Variants in GTF3C3 observed in about 807,000 individuals in gnomAD.
GTF3C3 encodes the protein general transcription factor 3C polypeptide 3.
In GTF3C3, 75 loss-of-function variants were observed where a neutral mutation model predicts 105.2. The observed-to-expected ratio is 0.71, with a 90% CI of 0.59 to 0.86. The LOEUF (loss-of-function observed/expected upper bound fraction) is 0.86. Ranked by LOEUF, GTF3C3 falls within the 40% of genes least tolerant of loss-of-function variation. GTF3C3 has a pLI of 0.00. For missense variants in GTF3C3, 856 were observed against 1,076.5 expected, an observed-to-expected ratio of 0.80 and a Z score of 2.87; for synonymous variants, 335 against 370.4, an observed-to-expected ratio of 0.90 and a Z score of 1.10.
intron 14 of GTF3C3, 23 bp downstream of exon 14, chr2:196,772,893 A>C: frequency 2.6e-6 from 3 of 1,171,976 alleles, no homozygotes; most frequent in Non-Finnish European, 2.4e-6. Flanking sequence ...GAATCTAATT[A>C]AAATAAATAA....
intron 17 of GTF3C3, among the ~76,000 whole-genome samples, chr2:196,765,806 C>G (rs112235546): frequency 1.3e-4 from 19 of 151,504 alleles, no homozygotes; most frequent in Non-Finnish European, 1.8e-4. Context: ...GTCAGGAGAT[C>G]GAGACCATCC....
chr2:196,778,944 C>CA lies in GTF3C3; in HGVS notation c.1341dup (p.Val448CysfsTer4). 6.2e-7 allele frequency: 1 copy of CA among 1,614,010 alleles called. No individual in the cohort carries two copies. On this transcript the variant is annotated frameshift_variant, in exon 10 of 18. Transcript: ENST00000263956. LOFTEE classifies it high-confidence loss of function. ...GCAAGGTTGTATCTTTCAGAGCAAA[C>CA]AAGAGCACTGAGGAGGGGAAGTGCA... is the stretch of plus-strand genomic sequence containing the variant.
chr2:196,781,354 AAAAATATATATATATAT>A lies in GTF3C3; in HGVS notation c.1115-709_1115-693del, dbSNP rs1234869032. On this transcript the variant is annotated intron_variant, in intron 8 of 17. Coordinates refer to ENST00000263956, the MANE Select transcript of GTF3C3 (RefSeq NM_012086.5). ...AAAATGTTAAGGGGAAAAAAAAAAA[AAAAATATATATATATAT>A]ATATATATATATATATAAAATTAAA... is the stretch of plus-strand genomic sequence containing the variant. Among the ~76,000 whole-genome samples the A allele has an allele frequency of 8.3e-5, 7 of 84,048 alleles. 1 individual carries two copies. The highest frequency in any genetic ancestry group is 1.5e-4 in the Non-Finnish European group (6 of 40,232). The allele number at this position is 84,048 out of a possible 152,430, so 55.1% of individuals were successfully genotyped here. A position where few individuals can be genotyped will look rare whatever the true frequency, so the allele number is the denominator to read the frequency against.
chr2:196,799,622 T>C lies in GTF3C3; in HGVS notation c.-11A>G. ...ACTGAACCCTGACATGTTTACAGGGTCTGTCTGTGCAACCCCAGGAACCGG... is the reference window on the plus strand; with the variant it reads ...ACTGAACCCTGACATGTTTACAGGGCCTGTCTGTGCAACCCCAGGAACCGG... On this transcript the variant is annotated 5_prime_UTR_variant, in exon 1 of 18. Coordinates refer to ENST00000263956, the MANE Select transcript of GTF3C3 (RefSeq NM_012086.5). The C allele has an allele frequency of 1.3e-6, 2 of 1,591,462 alleles. No homozygotes were observed. The highest frequency in any genetic ancestry group is 1.7e-6 in the Non-Finnish European group (2 of 1,159,484).
intron 17 of GTF3C3, among the ~76,000 whole-genome samples, chr2:196,765,773 G>T (rs1699052934): frequency 6.6e-6 from 1 of 151,880 alleles, no homozygotes; most frequent in African/African-American, 2.4e-5. Flanking sequence ...CACTTTGGGA[G>T]GCTGAGGCGG....
At chr2:196,781,294 G>C (rs1005333953) in intron 8 of GTF3C3, among the ~76,000 whole-genome samples, 1 of 131,450 alleles carries the variant, frequency 7.6e-6, no homozygotes, top group African/African-American at 2.8e-5. Context: ...ATACCTTCAG[G>C]TTCCACATAT....
intron 4 of GTF3C3, among the ~76,000 whole-genome samples, chr2:196,790,620 G>T (rs1699530123): frequency 6.6e-6 from 1 of 152,022 alleles, no homozygotes; most frequent in Admixed American, 6.6e-5. Flanking sequence ...TAAAATAAAG[G>T]AACAAATAAT....
chr2:196,776,080 A>C lies in GTF3C3; in HGVS notation c.1625T>G (p.Leu542Arg). Residue 542 changes from leucine (L) to arginine (R), a missense_variant, in exon 12 of 18, where the codon CTG (leucine) becomes CGG (arginine). This residue lies in a region of GTF3C3 where 605 missense variants were observed against 833.6 expected (regional missense o/e 0.73). Coordinates refer to ENST00000263956, the MANE Select transcript of GTF3C3 (RefSeq NM_012086.5). This position sits in a 1 kb window ranked among gnomAD's most constrained non-coding sequence, Gnocchi z 4.5. ...ELKLLLHRST[L>R]LFSQGKMYGY... Reference sequence around the variant, plus strand: ...ATACATTTTGCCTTGTGAAAACAACAGAGTAGAACGATGAAGCAATAACTT... The same window carrying C: ...ATACATTTTGCCTTGTGAAAACAACCGAGTAGAACGATGAAGCAATAACTT... 2.5e-6 allele frequency: 4 copies of C among 1,593,704 alleles called. No individual in the cohort carries two copies. Among genetic ancestry groups the C allele is most frequent in the Non-Finnish European group, 3.4e-6 (4 of 1,167,310 alleles).
Position 196,764,174 on chromosome 2 carries a change from C to T in GTF3C3, c.*389G>A, listed in dbSNP as rs1402282719. 6.5e-6 allele frequency: 1 copy of T among 153,532 alleles called. No individual in the cohort carries two copies. The highest frequency in any genetic ancestry group is 1.4e-5 in the Non-Finnish European group (1 of 68,996). The allele number at this position is 153,532 out of a possible 1,614,324, so 9.5% of individuals were successfully genotyped here. A position where few individuals can be genotyped will look rare whatever the true frequency, so the allele number is the denominator to read the frequency against. On this transcript the variant is annotated 3_prime_UTR_variant, in exon 18 of 18. Transcript: ENST00000263956. ...ACTTTGTCTTTCCTTTAATAATAAG[C>T]AACCTCTGTTTATACGTATTTGAAA...
At chr2:196,773,526 G>A in intron 13 of GTF3C3, 2 of 305,264 alleles carry the variant, frequency 6.6e-6, no homozygotes, top group Middle Eastern at 1.2e-3. Context: ...TGGCACCAAG[G>A]ACCAGTTTCA....
At chr2:196,793,384 G>T (rs1185014124) in intron 2 of GTF3C3, among the ~76,000 whole-genome samples, 1 of 152,028 alleles carries the variant, frequency 6.6e-6, no homozygotes, top group Admixed American at 6.6e-5. Flanking sequence ...AGATTTACAG[G>T]CAAAATTAAC....
In GTF3C3 at chr2:196,799,598, C is replaced by T; in HGVS notation, c.14G>A (p.Ser5Asn). The T allele has an allele frequency of 6.2e-7, 1 of 1,613,218 alleles. No homozygotes were observed. Among genetic ancestry groups the T allele is most frequent in the Non-Finnish European group, 8.5e-7 (1 of 1,179,138 alleles). The change falls in exon 1 of 18, where the codon AGT becomes AAT. Residue 5 changes from serine (S) to asparagine (N), a missense_variant. Physicochemically the swap from Ser to Asn is conservative, Grantham distance 46. Coordinates refer to ENST00000263956, the MANE Select transcript of GTF3C3 (RefSeq NM_012086.5). The part of the protein sequence containing the change: MSGF[S>N]PELIDYLEGK... ...TTCCAAGTAGTCGATGAGTTCCGGA[C>T]TGAACCCTGACATGTTTACAGGGTC...
intron 13 of GTF3C3, 93 bp from the exon 14 acceptor site, chr2:196,773,246 T>A: frequency 1.3e-6 from 1 of 760,684 alleles, no homozygotes; most frequent in Non-Finnish European, 2.2e-6. Flanking sequence ...AAGACAAGTT[T>A]AATAACCATG....
chr2:196,780,772 C>T, intron 8 of GTF3C3, 110 bp from the exon 9 acceptor site: 1 of 1,317,458 alleles, frequency 7.6e-7, no homozygotes, highest in Non-Finnish European at 1.0e-6. Context: ...ACAGTCAATT[C>T]TTAGTGTGGC....
At chr2:196,769,575 T>G (rs1422124281) in intron 16 of GTF3C3, among the ~76,000 whole-genome samples, 1 of 152,192 alleles carries the variant, frequency 6.6e-6, no homozygotes, top group Non-Finnish European at 1.5e-5. Flanking sequence ...GTATAATTTT[T>G]TTTTTCAACT....
rs1387185489 is a variant in GTF3C3 at position 196,771,909 on chromosome 2, G to C, written c.2099C>G (p.Pro700Arg). ...TTGATTGAAAATGTTCCAGAGCTGG[G>C]GTTTATTGACATTTTCCATTACCAT... ...RIMVMENVNK[P>R]QLWNIFNQVT... The change falls in exon 15 of 18, where the codon CCC becomes CGC. Residue 700 changes from proline to arginine, a missense_variant. By Grantham distance (103) the Pro-to-Arg change is moderately radical (BLOSUM62 -2). Transcript: ENST00000263956. The C allele has an allele frequency of 6.2e-7, 1 of 1,612,662 alleles. No individual in the cohort carries two copies. The highest frequency in any genetic ancestry group is 1.1e-5 in the South Asian group (1 of 91,048).
At chr2:196,799,475 A>C in intron 1 of GTF3C3, 35 bp downstream of exon 1, 1 of 1,506,600 alleles carries the variant, frequency 6.6e-7, no homozygotes, top group Non-Finnish European at 9.2e-7. Flanking sequence ...GAAGGCAACA[A>C]GAGTGAAGGG....
At chr2:196,771,165 T>C (rs765304139) in intron 15 of GTF3C3, among the ~76,000 whole-genome samples, 1 of 152,206 alleles carries the variant, frequency 6.6e-6, no homozygotes, top group Non-Finnish European at 1.5e-5. Flanking sequence ...TTACTTCTGA[T>C]TCCTTATTAC....
At position 196,778,951 on chromosome 2, in the gene GTF3C3, A is replaced by C. The variant is rs781419364; in HGVS notation, c.1335T>G (p.Ser445Arg). The C allele has an allele frequency of 6.2e-7, 1 of 1,614,024 alleles. No homozygotes were observed. Among genetic ancestry groups the C allele is most frequent in the East Asian group, 2.2e-5 (1 of 44,880 alleles). ...TGTATCTTTCAGAGCAAACAAGAGC[A>C]CTGAGGAGGGGAAGTGCAGAATTAT... The part of the protein sequence containing the change: ...GEYNSALPLL[S>R]ALVCSERYNL... Residue 445 changes from serine (S) to arginine (R), a missense_variant, in exon 10 of 18, where the codon AGT (serine) becomes AGG (arginine). By Grantham distance (110) the Ser-to-Arg change is moderately radical. Transcript: ENST00000263956.
Sources: gnomAD v4.1 joint callset for allele counts (sites outside exome capture counted in the v4.1 genomes callset) on GRCh38, gnomAD v4.1.1 for gene constraint, gnomAD v4.1.1 regional missense constraint, Gnocchi (gnomAD v3.1) non-coding constraint, MANE v1.5 for transcripts, NCBI Gene and HGNC (gene_info 2026-07-23, HGNC 2026-07-21) for gene names.